SLC37A1: variants seen among roughly 807,000 people sequenced by gnomAD.
The protein encoded by SLC37A1 is solute carrier family 37 member 1, also known as glucose-6-phosphate exchanger SLC37A1.
A neutral mutation model predicts 75.3 loss-of-function variants in SLC37A1; 49 were observed. The ratio of observed to expected loss-of-function variants is 0.65; its 90% CI spans 0.52 to 0.83. The LOEUF (loss-of-function observed/expected upper bound fraction) is 0.83. Ranked by LOEUF, SLC37A1 falls within the 40% of genes least tolerant of loss-of-function variation. SLC37A1 has a pLI of 0.00. For missense variants in SLC37A1, 566 were observed against 695.0 expected (o/e 0.81, Z 2.09); for synonymous variants, 268 against 292.1 (o/e 0.92, Z 0.84).
intron 3 of SLC37A1, among the ~76,000 whole-genome samples, chr21:42,526,486 A>G (rs1203218984): frequency 6.6e-6 from 1 of 152,228 alleles, no homozygotes; most frequent in Non-Finnish European, 1.5e-5. Flanking sequence ...ATCCACTGCC[A>G]GAGACAGTGC....
In SLC37A1 at chr21:42,522,123, C is replaced by G. The variant is rs76960304; in HGVS notation, c.56+3613C>G. ...TCTTTGCGTGGCCTTCTGGTGAGGACGCCAGTCATTGGAATGAGGGCTCAC... is the reference window on the plus strand; with the variant it reads ...TCTTTGCGTGGCCTTCTGGTGAGGAGGCCAGTCATTGGAATGAGGGCTCAC... On this transcript the variant is annotated intron_variant, in intron 2 of 19. Transcript: ENST00000352133. Among the ~76,000 whole-genome samples the G allele has an allele frequency of 1.8e-3, 271 of 152,294 alleles. 7 individuals are homozygous for G. The East Asian group carries it at 0.044, about 25-fold the overall frequency.
upstream of SLC37A1, among the ~76,000 whole-genome samples, chr21:42,511,111 T>C (rs1307443783): frequency 6.6e-6 from 1 of 152,182 alleles, no homozygotes; most frequent in Non-Finnish European, 1.5e-5. Flanking sequence ...TTTTAACAAA[T>C]TTAAGAAGAT....
chr21:42,515,230 C>CATAG (rs2054501705), intron 1 of SLC37A1, among the ~76,000 whole-genome samples: 1 of 151,592 alleles, frequency 6.6e-6, no homozygotes, highest in Admixed American at 6.6e-5. Context: ...AGCAAAAAGC[C>CATAG]ATAGAAAGAG....
intron 10 of SLC37A1, among the ~76,000 whole-genome samples, chr21:42,558,093 C>T (rs2055736767): frequency 6.6e-6 from 1 of 152,180 alleles, no homozygotes; most frequent in African/African-American, 2.4e-5. Flanking sequence ...AAGCGCATAC[C>T]ACCACATTCC....
At chr21:42,572,677 C>CAAAAAAAAAAAAAAAAAAA (rs552610279) in intron 17 of SLC37A1, among the ~76,000 whole-genome samples, 2 of 80,504 alleles carry the variant, frequency 2.5e-5, no homozygotes, top group African/African-American at 4.0e-5. Flanking sequence ...CACACACACA[C>CAAAAAAAAAAAAAAAAAAA]AAAAAAAAAA....
At chr21:42,535,655 C>T in intron 5 of SLC37A1, 105 bp downstream of exon 5, 1 of 960,324 alleles carries the variant, frequency 1.0e-6, no homozygotes, top group Non-Finnish European at 1.6e-6. Context: ...ATTGAGGCCC[C>T]CGCTTGCCAC....
chr21:42,525,547 C>T (rs149887428), intron 2 of SLC37A1, among the ~76,000 whole-genome samples: 143 of 152,362 alleles, frequency 9.4e-4, no homozygotes, highest in African/African-American at 3.1e-3. Context: ...GTAGGAAAAG[C>T]AGTCTGGTTT....
intron 2 of SLC37A1, among the ~76,000 whole-genome samples, chr21:42,519,671 G>A (rs1209244796): frequency 1.3e-5 from 2 of 152,218 alleles, no homozygotes; most frequent in African/African-American, 2.4e-5. Context: ...CTGCTGGTTG[G>A]TGGAGCATCC....
chr21:42,530,656 C>CACACACACACACACACACACACA (rs1568997149), intron 3 of SLC37A1, among the ~76,000 whole-genome samples: 2 of 23,472 alleles, frequency 8.5e-5, no homozygotes, highest in African/African-American at 2.9e-4. Context: ...ACACACACAC[C>CACACACACACACACACACACACA]CCCTCTGTGT....
rs773903100 is a variant in SLC37A1 at position 42,548,270 on chromosome 21, C to T, written c.768+1130C>T. Among the ~76,000 whole-genome samples the T allele has an allele frequency of 6.6e-6, 1 of 152,148 alleles. No individual in the cohort carries two copies. Among genetic ancestry groups the T allele is most frequent in the Non-Finnish European group, 1.5e-5 (1 of 68,024 alleles). ...CCCAGAGTGACCCACCCCTGAGCTC[C>T]GCAATCTGAGGTCTCACCACCACTC... is the stretch of plus-strand genomic sequence containing the variant. On this transcript the variant is annotated intron_variant, in intron 9 of 19. Transcript: ENST00000352133. This position sits in a 1 kb window ranked among gnomAD's most constrained non-coding sequence, Gnocchi z 5.6.
chr21:42,579,762 G>C lies in SLC37A1; in HGVS notation c.1548G>C (p.Glu516Asp). Residue 516 changes from glutamate (E) to aspartate (D), a missense_variant, in exon 19 of 20, where the codon GAG (glutamate) becomes GAC (aspartate). Glu to Asp is a conservative substitution (Grantham distance 45). Transcript: ENST00000352133. ...LLFLIRLIHK[E>D]LSCPGSATGD... Reference sequence around the variant, plus strand: ...TCCTGATCCGCCTCATACACAAGGAGCTGAGCTGCCCAGGGTCAGCTACGG... The same window carrying C: ...TCCTGATCCGCCTCATACACAAGGACCTGAGCTGCCCAGGGTCAGCTACGG... 1 of 1,614,188 alleles carries C rather than the reference G, an allele frequency of 6.2e-7. No homozygotes were observed. The highest frequency in any genetic ancestry group is 8.5e-7 in the Non-Finnish European group (1 of 1,180,044).
At chr21:42,525,925 C>T in intron 3 of SLC37A1, 68 bp downstream of exon 3, 1 of 1,173,560 alleles carries the variant, frequency 8.5e-7, no homozygotes, top group Non-Finnish European at 1.3e-6. Flanking sequence ...GCTTGTGGGG[C>T]AGAGGATGGG....
chr21:42,537,061 G>C (rs1391923420), intron 5 of SLC37A1, among the ~76,000 whole-genome samples: 2 of 152,220 alleles, frequency 1.3e-5, no homozygotes, highest in African/African-American at 4.8e-5. Context: ...GACCTGCCCA[G>C]AGTGTAGGAT....
chr21:42,540,648 G>A (rs1361714465), intron 6 of SLC37A1, among the ~76,000 whole-genome samples: 2 of 152,196 alleles, frequency 1.3e-5, no homozygotes, highest in Non-Finnish European at 2.9e-5. Context: ...CAGCAGTCCT[G>A]TGGATCAATA....
chr21:42,567,943 CAG>C (rs1244920650), intron 16 of SLC37A1, among the ~76,000 whole-genome samples: 2 of 152,208 alleles, frequency 1.3e-5, no homozygotes, highest in Non-Finnish European at 2.9e-5. Context: ...AGACATCTGA[CAG>C]GGGTCCCAGG....
intron 2 of SLC37A1, among the ~76,000 whole-genome samples, chr21:42,503,872 C>G (rs2054362416): frequency 6.6e-6 from 1 of 152,178 alleles, no homozygotes; most frequent in African/African-American, 2.4e-5. Context: ...TTAGGTTCCC[C>G]AGAGCTGGCT....
intron 17 of SLC37A1, among the ~76,000 whole-genome samples, chr21:42,572,057 G>C (rs987467906): frequency 6.6e-6 from 1 of 152,188 alleles, no homozygotes; most frequent in Non-Finnish European, 1.5e-5. Context: ...CTGAGTTAGG[G>C]GAGGTGGGTT....
At chr21:42,515,979 G>T (rs893188588) in intron 1 of SLC37A1, among the ~76,000 whole-genome samples, 1 of 152,084 alleles carries the variant, frequency 6.6e-6, no homozygotes, top group East Asian at 1.9e-4. Context: ...TGCTGGTCTC[G>T]AACTCCTGGC....
intron 12 of SLC37A1, 82 bp from the exon 13 acceptor site, chr21:42,563,733 C>T (rs944414246): frequency 6.9e-6 from 9 of 1,312,142 alleles, no homozygotes; most frequent in African/African-American, 1.4e-5. Context: ...GTCCCGTGCA[C>T]GGGTCCTGTT....
Sources: allele counts gnomAD v4.1 joint callset (sites outside exome capture counted in the v4.1 genomes callset), GRCh38; gene constraint gnomAD v4.1.1; non-coding constraint Gnocchi (gnomAD v3.1); transcripts MANE v1.5; gene names NCBI Gene and HGNC (gene_info 2026-07-23, HGNC 2026-07-21).